KDM2A: variants seen among roughly 807,000 people sequenced by gnomAD.
The protein encoded by KDM2A is lysine-specific demethylase 2A.
Under a neutral mutation model 137.3 loss-of-function variants are expected in KDM2A, and 3 were observed. That is an observed-to-expected ratio of 0.02 (90% confidence interval 0.01 to 0.06). The LOEUF (loss-of-function observed/expected upper bound fraction) is 0.06. KDM2A is among the 10% of genes least tolerant of loss of function. KDM2A has a pLI of 1.00. For missense variants in KDM2A, 738 were observed against 1,510.6 expected (o/e 0.49, Z 8.48); for synonymous variants, 512 against 541.5 (o/e 0.95, Z 0.76).
In KDM2A at chr11:67,168,690, C is replaced by A. The variant is rs11227723; in HGVS notation, c.43-11389C>A. ...GGTCGGGGGGATAGACAGCAATGTC[C>A]GTCTATCCACATATGGCCCAGTGTG... On this transcript the variant is annotated intron_variant, in intron 2 of 20. Coordinates refer to ENST00000529006, the MANE Select transcript of KDM2A (RefSeq NM_012308.3). 2.1e-5 allele frequency among the ~76,000 whole-genome samples: 3 copies of A among 144,964 alleles called. No homozygotes were observed. In the South Asian group the frequency reaches 6.9e-4, roughly 33 times the overall value.
At chr11:67,249,948 C>T in intron 16 of KDM2A, 138 bp from the exon 17 acceptor site, 1 of 688,622 alleles carries the variant, frequency 1.5e-6, no homozygotes. Context: ...CCTGGGCCGA[C>T]TCTGAGGGAA....
chr11:67,203,310 T>G lies in KDM2A; in HGVS notation c.308-4200T>G, dbSNP rs563842786. Reference sequence around the variant, plus strand: ...GTGAAACCAAAAAGTTTTGTATGACTTGCTTACTGGAATAGTTGCTTTATT... The same window carrying G: ...GTGAAACCAAAAAGTTTTGTATGACGTGCTTACTGGAATAGTTGCTTTATT... On this transcript the variant is annotated intron_variant, in intron 5 of 20. Coordinates refer to ENST00000529006, the MANE Select transcript of KDM2A (RefSeq NM_012308.3). Among the ~76,000 whole-genome samples, 12 of 151,916 alleles carry G rather than the reference T, an allele frequency of 7.9e-5. No homozygotes were observed. In the East Asian group the frequency reaches 1.7e-3, roughly 22 times the overall value.
chr11:67,148,295 C>A (rs1565378039), intron 2 of KDM2A, among the ~76,000 whole-genome samples: 1 of 151,710 alleles, frequency 6.6e-6, no homozygotes, highest in African/African-American at 2.4e-5. Flanking sequence ...GCGGTGGACA[C>A]CTGTAGTCTT....
At chr11:67,127,894 C>A (rs1242528610) in intron 2 of KDM2A, among the ~76,000 whole-genome samples, 2 of 151,418 alleles carry the variant, frequency 1.3e-5, no homozygotes, top group Non-Finnish European at 2.9e-5. Context: ...TTGGTAGAGA[C>A]GGGGTTTCAC....
At position 67,250,858 on chromosome 11, in the gene KDM2A, A is replaced by T; in HGVS notation, c.2768+60A>T. 1 of 1,258,018 alleles carries T rather than the reference A, an allele frequency of 7.9e-7. No individual in the cohort carries two copies. The highest frequency in any genetic ancestry group is 1.1e-6 in the Non-Finnish European group (1 of 899,880). 77.9% of individuals were successfully genotyped at this position (1,258,018 alleles called of 1,614,324 possible). A position where few individuals can be genotyped will look rare whatever the true frequency, so the allele number is the denominator to read the frequency against. Reference sequence around the variant, plus strand: ...TATGGGAGTAGGTGGCAGGTTTTCCATATGAGAACAGCATGCACCTTGGCA... The same window carrying T: ...TATGGGAGTAGGTGGCAGGTTTTCCTTATGAGAACAGCATGCACCTTGGCA... On this transcript the variant is annotated intron_variant, in intron 17 of 20. Transcript: ENST00000529006. The surrounding 1 kb of genome is among the most constrained non-coding windows in gnomAD (Gnocchi z 7.1).
At chr11:67,153,565 A>ATG (rs1039578800) in intron 2 of KDM2A, among the ~76,000 whole-genome samples, 21 of 152,196 alleles carry the variant, frequency 1.4e-4, no homozygotes, top group Non-Finnish European at 4.4e-5. Context: ...GAACATCTGG[A>ATG]TGTGGTGCAG....
At chr11:67,247,060 TATA>T (rs1392435826) in intron 15 of KDM2A, among the ~76,000 whole-genome samples, 3 of 32,944 alleles carry the variant, frequency 9.1e-5, no homozygotes, top group African/African-American at 4.2e-4. Context: ...TATATATATA[TATA>T]TATATATATT....
intron 15 of KDM2A, among the ~76,000 whole-genome samples, chr11:67,247,455 T>C (rs1466964717): frequency 8.0e-6 from 1 of 124,410 alleles, no homozygotes; most frequent in African/African-American, 3.0e-5. Context: ...TAAGACATGG[T>C]CTCCCTCTGT....
At chr11:67,251,200 T>C (rs1218297307) in intron 17 of KDM2A, among the ~76,000 whole-genome samples, 1 of 152,220 alleles carries the variant, frequency 6.6e-6, no homozygotes. Flanking sequence ...ATAACACAGA[T>C]AACCTCACTT....
chr11:67,203,003 C>CAA lies in KDM2A; in HGVS notation c.308-4493_308-4492dup, dbSNP rs752108775. Among the ~76,000 whole-genome samples the CAA allele has an allele frequency of 4.8e-5, 5 of 104,902 alleles. No individual in the cohort carries two copies. The East Asian group carries it at 7.9e-4, about 17-fold the overall frequency. 68.8% of individuals were successfully genotyped at this position (104,902 alleles called of 152,430 possible). ...GAGCAAGACCCTGTCCGTCCGCCGCCAAAAAAAAAAAAAAAGAAAAACGGT... is the reference window on the plus strand; with the variant it reads ...GAGCAAGACCCTGTCCGTCCGCCGCCAAAAAAAAAAAAAAAAAGAAAAACGGT... On this transcript the variant is annotated intron_variant, in intron 5 of 20. Transcript: ENST00000529006.
intron 6 of KDM2A, among the ~76,000 whole-genome samples, chr11:67,213,779 C>G (rs1215525628): frequency 6.7e-6 from 1 of 148,598 alleles, no homozygotes; most frequent in Non-Finnish European, 1.5e-5. Flanking sequence ...AAAAAGATTT[C>G]TGTATTCTCA....
intron 2 of KDM2A, among the ~76,000 whole-genome samples, chr11:67,176,428 T>G (rs1216251768): frequency 6.6e-6 from 1 of 152,206 alleles, no homozygotes; most frequent in African/African-American, 2.4e-5. Context: ...AAAGGTAGAG[T>G]GACTTTATCC....
chr11:67,129,748 A>AG (rs1287942158), intron 2 of KDM2A, among the ~76,000 whole-genome samples: 3 of 144,702 alleles, frequency 2.1e-5, no homozygotes, highest in Non-Finnish European at 4.5e-5. Context: ...AAAAAAAAAA[A>AG]AAGAAAAAGA....
Position 67,254,366 on chromosome 11 carries a change from C to G in KDM2A, c.3255C>G (p.Leu1085=). The stretch of plus-strand genomic sequence containing the variant: ...TTACAGATCAGTCCTCCAATCTACT[C>G]ACTGCTGTCGGGTCTTCCACTCGCT... ...SHLTDQSSNL[L]TAVGSSTRYS... Residue 1085 remains leucine, a synonymous_variant, in exon 20 of 21, where the codon CTC becomes CTG. Coordinates refer to ENST00000529006, the MANE Select transcript of KDM2A (RefSeq NM_012308.3). The surrounding 1 kb of genome is among the most constrained non-coding windows in gnomAD (Gnocchi z 4.7). 1 of 1,614,068 alleles carries G rather than the reference C, an allele frequency of 6.2e-7. No individual in the cohort carries two copies. The highest frequency in any genetic ancestry group is 8.5e-7 in the Non-Finnish European group (1 of 1,179,906).
chr11:67,190,644 C>T (rs1857329394), intron 5 of KDM2A, among the ~76,000 whole-genome samples: 2 of 151,878 alleles, frequency 1.3e-5, no homozygotes, highest in African/African-American at 4.8e-5. Context: ...TCCTGTAATC[C>T]CAGCTACTCA....
At chr11:67,203,116 CAAT>C (rs1425048500) in intron 5 of KDM2A, among the ~76,000 whole-genome samples, 6 of 152,082 alleles carry the variant, frequency 3.9e-5, no homozygotes, top group African/African-American at 7.2e-5. Context: ...CAGCCCTCAA[CAAT>C]GAGGCAAGTT....
intron 18 of KDM2A, among the ~76,000 whole-genome samples, chr11:67,253,167 A>G (rs1859488822): frequency 6.6e-6 from 1 of 152,220 alleles, no homozygotes; most frequent in African/African-American, 2.4e-5. Context: ...TACTTTGGTC[A>G]GCTCCTTATA....
intron 2 of KDM2A, among the ~76,000 whole-genome samples, chr11:67,138,184 A>G (rs1012485969): frequency 2.0e-5 from 3 of 152,172 alleles, no homozygotes; most frequent in African/African-American, 7.2e-5. Context: ...TTTGACCGTG[A>G]GTCTCTTTTT....
In KDM2A at chr11:67,250,695, G is replaced by A. The variant is rs1241477416; in HGVS notation, c.2665G>A (p.Asp889Asn). 8 of 1,594,436 alleles carry A rather than the reference G, an allele frequency of 5.0e-6. No individual in the cohort carries two copies. The highest frequency in any genetic ancestry group is 6.8e-6 in the Non-Finnish European group (8 of 1,168,846). Residue 889 changes from aspartate (D) to asparagine (N), a missense_variant, in exon 17 of 21, where the codon GAC becomes AAC. Physicochemically the swap from Asp to Asn is conservative, Grantham distance 23. Coordinates refer to ENST00000529006, the MANE Select transcript of KDM2A (RefSeq NM_012308.3). The surrounding 1 kb of genome is among the most constrained non-coding windows in gnomAD (Gnocchi z 7.1). ...CCGGGGCAGTTGGGCTCAGGATGGAGACGAAAGCTGGATGCAGCGGGAGGT... is the reference window on the plus strand; with the variant it reads ...CCGGGGCAGTTGGGCTCAGGATGGAAACGAAAGCTGGATGCAGCGGGAGGT... ...NGRGSWAQDG[D>N]ESWMQREVWM... is the part of the protein sequence containing the mutation.
Sources: gnomAD v4.1 joint callset for allele counts (sites outside exome capture counted in the v4.1 genomes callset) on GRCh38, gnomAD v4.1.1 for gene constraint, Gnocchi (gnomAD v3.1) non-coding constraint, MANE v1.5 for transcripts, NCBI Gene and HGNC (gene_info 2026-07-23, HGNC 2026-07-21) for gene names.